PTPRK: variants seen among roughly 807,000 people sequenced by gnomAD.
The protein encoded by PTPRK is receptor-type tyrosine-protein phosphatase kappa.
A neutral mutation model predicts 178.0 loss-of-function variants in PTPRK; 75 were observed. That is an observed-to-expected ratio of 0.42 (90% confidence interval 0.35 to 0.51). The LOEUF is 0.51. Among genes scored for constraint, PTPRK ranks in the 20% least tolerant of loss-of-function variants. The pLI is 0.02. For synonymous variants in PTPRK, 637 were observed against 620.6 expected (o/e 1.03, Z -0.39); for missense variants, 1,441 against 1,797.8 (o/e 0.80, Z 3.59).
intron 3 of PTPRK, among the ~76,000 whole-genome samples, chr6:128,270,891 GT>G (rs1435556480): frequency 1.3e-5 from 2 of 152,112 alleles, no homozygotes; most frequent in African/African-American, 4.8e-5. Flanking sequence ...CCAATGCTTT[GT>G]TTTTAGCTGC....
At chr6:128,198,524 G>A (rs1192532981) in intron 6 of PTPRK, among the ~76,000 whole-genome samples, 2 of 152,120 alleles carry the variant, frequency 1.3e-5, no homozygotes, top group African/African-American at 4.8e-5. Context: ...CCTAATGTAG[G>A]TGATGGGTTG....
chr6:128,271,823 T>C (rs1819868871), intron 3 of PTPRK, among the ~76,000 whole-genome samples: 2 of 151,920 alleles, frequency 1.3e-5, no homozygotes, highest in African/African-American at 4.8e-5. Flanking sequence ...GTTTATTTAC[T>C]TTACTTTGAA....
chr6:128,143,674 T>A (rs918558973), intron 7 of PTPRK, among the ~76,000 whole-genome samples: 9 of 152,204 alleles, frequency 5.9e-5, no homozygotes, highest in African/African-American at 2.2e-4. Context: ...GCACTTCTAG[T>A]CTGCTGGCCT....
chr6:128,345,691 A>C (rs1391339458), intron 2 of PTPRK, among the ~76,000 whole-genome samples: 3 of 152,192 alleles, frequency 2.0e-5, no homozygotes, highest in Non-Finnish European at 4.4e-5. Context: ...TTCAGTACAT[A>C]ACTCAGGCTG....
intron 7 of PTPRK, among the ~76,000 whole-genome samples, chr6:128,095,464 G>A (rs1426226708): frequency 2.0e-5 from 3 of 152,054 alleles, no homozygotes; most frequent in Non-Finnish European, 4.4e-5. Context: ...CTGAAGCCAT[G>A]GTTTTTAGTT....
chr6:128,247,842 C>T (rs1458039991), intron 3 of PTPRK, among the ~76,000 whole-genome samples: 3 of 152,144 alleles, frequency 2.0e-5, no homozygotes, highest in Non-Finnish European at 2.9e-5. Flanking sequence ...TTCTTCCATT[C>T]CCTTCTCCCT....
Position 128,078,836 on chromosome 6 carries a change from T to C in PTPRK, c.1860A>G (p.Ala620=), listed in dbSNP as rs1381967554. 5.0e-6 allele frequency: 8 copies of C among 1,611,228 alleles called. No homozygotes were observed. Among genetic ancestry groups the C allele is most frequent in the Non-Finnish European group, 6.8e-6 (8 of 1,177,910 alleles). Residue 620 remains alanine, a synonymous_variant, in exon 11 of 30, where the codon GCA becomes GCG. Transcript: ENST00000368226. ...ATTITVLLRP[A]QAKGAPISAY... ...ACCTGATAGGAGCACCTTTGGCTTG[T>C]GCTGGTCTCAACAATACAGTTATTG...
chr6:127,982,279 T>C (rs1775434421), intron 24 of PTPRK, among the ~76,000 whole-genome samples: 1 of 149,742 alleles, frequency 6.7e-6, no homozygotes, highest in Non-Finnish European at 1.5e-5. Flanking sequence ...TTATTATTTC[T>C]TTTTTTTTTC....
At chr6:128,211,056 C>G (rs1056711798) in intron 6 of PTPRK, among the ~76,000 whole-genome samples, 4 of 151,896 alleles carry the variant, frequency 2.6e-5, no homozygotes, top group African/African-American at 9.7e-5. Context: ...TAAATTATAT[C>G]CTAAAGTGTA....
At chr6:128,206,079 T>C (rs192548989) in intron 6 of PTPRK, among the ~76,000 whole-genome samples, 36 of 152,156 alleles carry the variant, frequency 2.4e-4, no homozygotes, top group Non-Finnish European at 4.6e-4. Flanking sequence ...CATAGTTACA[T>C]ATGGCACTAT....
At chr6:128,247,259 T>C (rs569504171) in intron 3 of PTPRK, among the ~76,000 whole-genome samples, 6 of 152,296 alleles carry the variant, frequency 3.9e-5, no homozygotes, top group South Asian at 2.1e-4. Flanking sequence ...TAATATTCTT[T>C]CAATATATCA....
At chr6:128,476,443 A>G (rs1050916572) in intron 1 of PTPRK, among the ~76,000 whole-genome samples, 1 of 152,056 alleles carries the variant, frequency 6.6e-6, no homozygotes. Flanking sequence ...CTTGCTCATG[A>G]TATGTTCAGA....
At chr6:128,355,723 C>T (rs988391644) in intron 2 of PTPRK, among the ~76,000 whole-genome samples, 2 of 152,228 alleles carry the variant, frequency 1.3e-5, no homozygotes, top group East Asian at 3.9e-4. Context: ...GTGCAGCACA[C>T]CAACATGGCA....
chr6:128,446,018 T>A (rs1846972359), intron 1 of PTPRK, among the ~76,000 whole-genome samples: 1 of 152,054 alleles, frequency 6.6e-6, no homozygotes, highest in South Asian at 2.1e-4. Flanking sequence ...AAAGGCATGT[T>A]AACTGCAGAA....
intron 1 of PTPRK, among the ~76,000 whole-genome samples, chr6:128,493,850 C>T (rs1017196025): frequency 6.6e-6 from 1 of 152,162 alleles, no homozygotes; most frequent in African/African-American, 2.4e-5. Context: ...TCCAACTTCT[C>T]CAGATACAGC....
intron 1 of PTPRK, among the ~76,000 whole-genome samples, chr6:128,488,835 T>G (rs1853350169): frequency 6.6e-6 from 1 of 152,120 alleles, no homozygotes; most frequent in Non-Finnish European, 1.5e-5. Flanking sequence ...TAAAAGTAAA[T>G]TTCAACTATG....
chr6:128,005,182 A>G lies in PTPRK; in HGVS notation c.2396T>C (p.Val799Ala), dbSNP rs112315205. 1.2e-6 allele frequency: 2 copies of G among 1,611,698 alleles called. No individual in the cohort carries two copies. The highest frequency in any genetic ancestry group is 4.5e-5 in the East Asian group (2 of 44,784). ...GNTRQEMTHM[V>A]NAMDRSYADQ... ...AGCATAACTTCGATCCATTGCATTC[A>G]CCATGTGAGTCATCTCCTGCCGGGT... The change falls in exon 15 of 30, where the codon GTG becomes GCG. Residue 799 changes from valine to alanine, a missense_variant. Transcript: ENST00000368226.
intron 6 of PTPRK, among the ~76,000 whole-genome samples, chr6:128,216,542 T>TAAAAAAAAA (rs75802526): frequency 1.2e-5 from 1 of 84,240 alleles, no homozygotes; most frequent in Non-Finnish European, 2.8e-5. Flanking sequence ...CTCAGAAAAA[T>TAAAAAAAAA]AAAAAAAAAA....
chr6:128,018,008 C>T (rs1779809872), intron 13 of PTPRK, among the ~76,000 whole-genome samples: 1 of 150,776 alleles, frequency 6.6e-6, no homozygotes, highest in Non-Finnish European at 1.5e-5. Flanking sequence ...CTTTAGTGTT[C>T]CTAACACCTT....
Sources: allele counts gnomAD v4.1 joint callset (sites outside exome capture counted in the v4.1 genomes callset), GRCh38; gene constraint gnomAD v4.1.1; transcripts MANE v1.5; gene names NCBI Gene and HGNC (gene_info 2026-07-23, HGNC 2026-07-21).